Variants in MCTP1 observed in about 807,000 individuals in gnomAD.
MCTP1 encodes multiple C2 and transmembrane domain-containing protein 1.
A neutral mutation model predicts 120.6 loss-of-function variants in MCTP1; 69 were observed. The observed-to-expected ratio is 0.57, with a 90% CI of 0.47 to 0.70. The LOEUF is 0.70. Among genes scored for constraint, MCTP1 ranks in the 30% least tolerant of loss-of-function variants. The pLI is 0.00. For missense variants in MCTP1, 1,203 were observed against 1,248.8 expected (o/e 0.96, Z 0.55); for synonymous variants, 529 against 493.1 (o/e 1.07, Z -0.96).
At chr5:95,214,405 A>C (rs1417588720) in intron 1 of MCTP1, among the ~76,000 whole-genome samples, 2 of 152,064 alleles carry the variant, frequency 1.3e-5, no homozygotes, top group Non-Finnish European at 2.9e-5. Context: ...GAACACTTTT[A>C]CACTGTTGGT....
rs766245890 is a variant in MCTP1 at position 94,909,397 on chromosome 5, A to G, written c.1522-16T>C. 1 of 1,571,888 alleles carries G rather than the reference A, an allele frequency of 6.4e-7. No homozygotes were observed. Among genetic ancestry groups the G allele is most frequent in the Admixed American group, 2.1e-5 (1 of 47,942 alleles). On this transcript the variant is annotated splice_polypyrimidine_tract_variant and intron_variant, in intron 9 of 22. Transcript: ENST00000515393. Reference sequence around the variant, plus strand: ...TTGGCATAATCTGGAAAAAAAAATCATAATTGTCATATTGCTAGCAGCTTT... The same window carrying G: ...TTGGCATAATCTGGAAAAAAAAATCGTAATTGTCATATTGCTAGCAGCTTT...
chr5:94,969,247 T>A (rs1024397446), intron 2 of MCTP1, among the ~76,000 whole-genome samples: 6 of 152,294 alleles, frequency 3.9e-5, no homozygotes, highest in African/African-American at 1.4e-4. Context: ...CTGTGTAATA[T>A]TTAAAGCCTT....
intron 17 of MCTP1, among the ~76,000 whole-genome samples, chr5:94,828,565 C>G (rs2153143561): frequency 6.6e-6 from 1 of 152,342 alleles, no homozygotes; most frequent in South Asian, 2.1e-4. Flanking sequence ...GTCGCCCCTT[C>G]CCCCAGGTGC....
At chr5:95,110,430 GAA>G (rs369502299) in intron 1 of MCTP1, among the ~76,000 whole-genome samples, 7 of 152,136 alleles carry the variant, frequency 4.6e-5, no homozygotes, top group African/African-American at 1.7e-4. Context: ...CCTGAACACT[GAA>G]GACTCCAAGA....
chr5:94,879,952 G>C (rs1214154712), intron 12 of MCTP1, among the ~76,000 whole-genome samples: 1 of 152,046 alleles, frequency 6.6e-6, no homozygotes, highest in East Asian at 1.9e-4. Context: ...GCATTCTTGA[G>C]TCTTGGAATT....
chr5:94,985,982 C>T (rs1830358245), intron 2 of MCTP1, among the ~76,000 whole-genome samples: 1 of 152,080 alleles, frequency 6.6e-6, no homozygotes. Context: ...GGAATGCATG[C>T]CTGTTTTCTC....
chr5:95,136,084 C>T (rs1245292604), intron 1 of MCTP1, among the ~76,000 whole-genome samples: 2 of 152,180 alleles, frequency 1.3e-5, no homozygotes, highest in East Asian at 3.9e-4. Context: ...AGCCTTCTAC[C>T]TTCCCAGAAC....
intron 10 of MCTP1, among the ~76,000 whole-genome samples, chr5:94,905,355 A>G (rs901846893): frequency 3.3e-5 from 5 of 152,218 alleles, no homozygotes; most frequent in African/African-American, 7.2e-5. Context: ...AAACAATTAA[A>G]GGATTTGGAA....
intron 19 of MCTP1, among the ~76,000 whole-genome samples, chr5:94,718,093 A>C (rs1759943304): frequency 6.6e-6 from 1 of 152,228 alleles, no homozygotes; most frequent in Non-Finnish European, 1.5e-5. Context: ...TGGAGGCATC[A>C]TGCTACCTGA....
intron 20 of MCTP1, among the ~76,000 whole-genome samples, chr5:94,712,419 G>GTT (rs11320054): frequency 6.7e-6 from 1 of 149,128 alleles, no homozygotes. Context: ...CTTGAGGTGA[G>GTT]TTTTTTTTTT....
intron 18 of MCTP1, among the ~76,000 whole-genome samples, chr5:94,791,113 A>T (rs1416601499): frequency 3.1e-3 from 19 of 6,174 alleles, no homozygotes; most frequent in Non-Finnish European, 2.6e-3. Flanking sequence ...TCTCTACTAC[A>T]AAAAAAAAAA....
intron 3 of MCTP1, among the ~76,000 whole-genome samples, chr5:94,947,416 G>T (rs1819226051): frequency 6.6e-6 from 1 of 151,010 alleles, no homozygotes; most frequent in Non-Finnish European, 1.5e-5. Context: ...ATTTTCTATT[G>T]CATTCCTTAC....
At chr5:94,994,075 C>G (rs1485457676) in intron 2 of MCTP1, among the ~76,000 whole-genome samples, 1 of 152,206 alleles carries the variant, frequency 6.6e-6, no homozygotes, top group Non-Finnish European at 1.5e-5. Context: ...GACCAACAAA[C>G]TACCAGACTT....
At position 94,707,553 on chromosome 5, in the gene MCTP1, T is replaced by A. The variant is rs757774322; in HGVS notation, c.2943A>T (p.Glu981Asp). Residue 981 changes from glutamate to aspartate, a missense_variant, in exon 23 of 23, where the codon GAA (glutamate) becomes GAT (aspartate). Coordinates refer to ENST00000515393, the MANE Select transcript of MCTP1 (RefSeq NM_024717.7). ...GGCTATGAGAAGGATCTGGTTTCAGTTCTTGGTATTGCACCTGTTTAAACA... is the reference window on the plus strand; with the variant it reads ...GGCTATGAGAAGGATCTGGTTTCAGATCTTGGTATTGCACCTGTTTAAACA... ...PSDVQVVQYQ[E>D]LKPDPSHSPY... 1.2e-6 allele frequency: 2 copies of A among 1,611,614 alleles called. No homozygotes were observed. Among genetic ancestry groups the A allele is most frequent in the African/African-American group, 2.7e-5 (2 of 74,728 alleles).
chr5:94,845,738 G>C (rs1033358380), intron 17 of MCTP1, among the ~76,000 whole-genome samples: 1 of 151,994 alleles, frequency 6.6e-6, no homozygotes, highest in African/African-American at 2.4e-5. Flanking sequence ...TTTTTGTAGA[G>C]ACAGGGTTTT....
intron 2 of MCTP1, among the ~76,000 whole-genome samples, chr5:94,954,169 CATATATATATATGCATATATATATAT>C (rs1229537779): frequency 1.2e-5 from 1 of 80,042 alleles, no homozygotes; most frequent in Non-Finnish European, 2.3e-5. Flanking sequence ...CATATATATA[CATATATATATATGCATATATATATAT>C]ATATATATAT....
chr5:95,251,892 TAGTA>T (rs997354203), intron 1 of MCTP1, among the ~76,000 whole-genome samples: 14 of 152,174 alleles, frequency 9.2e-5, no homozygotes, highest in African/African-American at 3.4e-4. Context: ...ATCACATATC[TAGTA>T]AGTGTTGAGT....
At chr5:95,178,469 A>G (rs1251699580) in intron 1 of MCTP1, among the ~76,000 whole-genome samples, 1 of 152,180 alleles carries the variant, frequency 6.6e-6, no homozygotes, top group East Asian at 1.9e-4. Context: ...CTAAAGAAAA[A>G]TACAAGCAAG....
intron 9 of MCTP1, among the ~76,000 whole-genome samples, chr5:94,911,038 T>C (rs911629536): frequency 2.0e-5 from 3 of 152,204 alleles, no homozygotes; most frequent in East Asian, 3.8e-4. Context: ...TCCCTTTCTA[T>C]GTGGACACTC....
Sources: allele counts gnomAD v4.1 joint callset (sites outside exome capture counted in the v4.1 genomes callset), GRCh38; gene constraint gnomAD v4.1.1; transcripts MANE v1.5; gene names NCBI Gene and HGNC (gene_info 2026-07-23, HGNC 2026-07-21).